Variants in PDZRN4 observed in about 807,000 individuals in gnomAD.
PDZRN4 encodes the protein PDZ domain containing ring finger 4.
Under a neutral mutation model 99.0 loss-of-function variants are expected in PDZRN4, and 70 were observed. That is an observed-to-expected ratio of 0.71 (90% CI 0.58 to 0.86). The LOEUF is 0.86. Among genes scored for constraint, PDZRN4 ranks in the 40% least tolerant of loss-of-function variants. The pLI, the probability that PDZRN4 is intolerant of heterozygous loss-of-function variation, is 0.00. For synonymous variants in PDZRN4, 551 were observed against 501.6 expected, an observed-to-expected ratio of 1.10 and a Z score of -1.32; for missense variants, 1,474 against 1,331.2, an observed-to-expected ratio of 1.11 and a Z score of -1.67.
At chr12:41,535,657 T>G (rs1938736667) in intron 5 of PDZRN4, among the ~76,000 whole-genome samples, 1 of 152,182 alleles carries the variant, frequency 6.6e-6, no homozygotes, top group South Asian at 2.1e-4. Flanking sequence ...AGGGCTGTGT[T>G]CTCACAAATG....
chr12:41,429,467 C>T (rs762252134), intron 3 of PDZRN4, among the ~76,000 whole-genome samples: 18 of 152,174 alleles, frequency 1.2e-4, no homozygotes, highest in Non-Finnish European at 2.5e-4. Flanking sequence ...TTTTAGACTA[C>T]GATTCCAGTC....
At chr12:41,262,218 G>C (rs750354936) in intron 3 of PDZRN4, among the ~76,000 whole-genome samples, 2 of 152,164 alleles carry the variant, frequency 1.3e-5, no homozygotes, top group South Asian at 4.1e-4. Flanking sequence ...ATACAGTGCT[G>C]TAACATTCAT....
chr12:41,189,227 T>C, intron 1 of PDZRN4, 124 bp downstream of exon 1: 1 of 827,668 alleles, frequency 1.2e-6, no homozygotes, highest in East Asian at 2.9e-5. Flanking sequence ...GCAGGAAACA[T>C]CCACACCCTG....
At chr12:41,541,509 A>G (rs1938855107) in intron 5 of PDZRN4, among the ~76,000 whole-genome samples, 1 of 147,460 alleles carries the variant, frequency 6.8e-6, no homozygotes, top group South Asian at 2.1e-4. Flanking sequence ...AGTGGAGTGC[A>G]GTGGCTCAAT....
At chr12:41,478,596 A>C (rs1937627391) in intron 3 of PDZRN4, among the ~76,000 whole-genome samples, 1 of 152,218 alleles carries the variant, frequency 6.6e-6, no homozygotes, top group African/African-American at 2.4e-5. Flanking sequence ...ACAAACTAAA[A>C]TCTGACAAGA....
At chr12:41,469,717 G>T (rs969765772) in intron 3 of PDZRN4, among the ~76,000 whole-genome samples, 2 of 152,062 alleles carry the variant, frequency 1.3e-5, no homozygotes, top group Non-Finnish European at 2.9e-5. Flanking sequence ...CGATCACGAG[G>T]TCAGGAGATC....
At chr12:41,203,663 A>C (rs1278487799) in intron 3 of PDZRN4, among the ~76,000 whole-genome samples, 1 of 152,006 alleles carries the variant, frequency 6.6e-6, no homozygotes, top group African/African-American at 2.4e-5. Context: ...GCACAGAGAG[A>C]TCAACTAATT....
chr12:41,399,627 C>T (rs1592043820), intron 3 of PDZRN4, among the ~76,000 whole-genome samples: 1 of 151,542 alleles, frequency 6.6e-6, no homozygotes. Context: ...TGCCAGCTAC[C>T]TGGGAGGCTG....
chr12:41,356,939 A>G (rs1270930819), intron 3 of PDZRN4, among the ~76,000 whole-genome samples: 1 of 152,004 alleles, frequency 6.6e-6, no homozygotes, highest in Non-Finnish European at 1.5e-5. Context: ...AGGTTTACCA[A>G]TCTGCAAGTC....
At chr12:41,505,556 G>A (rs1281355626) in intron 3 of PDZRN4, among the ~76,000 whole-genome samples, 1 of 152,070 alleles carries the variant, frequency 6.6e-6, no homozygotes, top group Non-Finnish European at 1.5e-5. Context: ...CAGAGGTTGG[G>A]AAACATTCCT....
chr12:41,363,082 G>T (rs1951974609), intron 3 of PDZRN4, among the ~76,000 whole-genome samples: 2 of 152,010 alleles, frequency 1.3e-5, no homozygotes, highest in African/African-American at 2.4e-5. Flanking sequence ...AGTATCACAG[G>T]GTCCAAATGG....
chr12:41,434,132 A>G (rs1222964178), intron 3 of PDZRN4, among the ~76,000 whole-genome samples: 1 of 152,206 alleles, frequency 6.6e-6, no homozygotes, highest in Non-Finnish European at 1.5e-5. Context: ...TGTTATTAAA[A>G]TCTTTTTAAA....
At chr12:41,201,994 G>A (rs1041986058) in intron 3 of PDZRN4, among the ~76,000 whole-genome samples, 1 of 152,158 alleles carries the variant, frequency 6.6e-6, no homozygotes, top group Non-Finnish European at 1.5e-5. Context: ...TGGTAAAGCT[G>A]CCAGAATTTA....
chr12:41,354,128 A>C (rs1334281232), intron 3 of PDZRN4, among the ~76,000 whole-genome samples: 9 of 152,146 alleles, frequency 5.9e-5, no homozygotes, highest in Non-Finnish European at 1.2e-4. Context: ...GACGCAACAA[A>C]TATATAATTA....
At chr12:41,296,971 A>G (rs1211624156) in intron 3 of PDZRN4, among the ~76,000 whole-genome samples, 1 of 152,170 alleles carries the variant, frequency 6.6e-6, no homozygotes, top group Non-Finnish European at 1.5e-5. Context: ...AAACAAAAAC[A>G]AAAACAAAAT....
chr12:41,238,204 TC>T (rs1456165099), intron 3 of PDZRN4, among the ~76,000 whole-genome samples: 2 of 152,120 alleles, frequency 1.3e-5, no homozygotes, highest in Non-Finnish European at 2.9e-5. Context: ...TCAGCTGTAT[TC>T]CTAGGTATTT....
chr12:41,308,920 C>T (rs546005519), intron 3 of PDZRN4, among the ~76,000 whole-genome samples: 29 of 152,018 alleles, frequency 1.9e-4, no homozygotes, highest in Non-Finnish European at 3.2e-4. Context: ...TTCATAAATA[C>T]GCTTATAATA....
At chr12:41,232,290 C>T (rs892662435) in intron 3 of PDZRN4, among the ~76,000 whole-genome samples, 1 of 152,008 alleles carries the variant, frequency 6.6e-6, no homozygotes, top group African/African-American at 2.4e-5. Context: ...TGTAGCCTCA[C>T]CTGCCCTTCA....
chr12:41,206,048 G>A (rs1487667233), intron 3 of PDZRN4, among the ~76,000 whole-genome samples: 2 of 151,886 alleles, frequency 1.3e-5, no homozygotes, highest in Admixed American at 6.6e-5. Flanking sequence ...GTGTAGTATT[G>A]TAGCATTTCA....
Sources: allele counts gnomAD v4.1 joint callset (sites outside exome capture counted in the v4.1 genomes callset), GRCh38; gene constraint gnomAD v4.1.1; transcripts MANE v1.5; gene names NCBI Gene and HGNC (gene_info 2026-07-23, HGNC 2026-07-21).